Variants in CADPS2 observed in about 807,000 individuals in gnomAD.
CADPS2 encodes the protein calcium dependent secretion activator 2.
A neutral mutation model predicts 172.5 loss-of-function variants in CADPS2; 93 were observed. The observed-to-expected ratio is 0.54, with a 90% CI of 0.46 to 0.64. CADPS2 has a LOEUF of 0.64. Ranked by LOEUF, CADPS2 falls within the 30% of genes least tolerant of loss-of-function variation. The probability of loss-of-function intolerance (pLI) is 0.00; values close to 1 mark genes in which losing one functional copy is unlikely to be tolerated. For missense variants in CADPS2, 1,420 were observed against 1,565.9 expected (o/e 0.91, Z 1.57); for synonymous variants, 546 against 555.2 (o/e 0.98, Z 0.23).
At chr7:122,606,798 T>C (rs2073616415) in intron 6 of CADPS2, among the ~76,000 whole-genome samples, 1 of 152,032 alleles carries the variant, frequency 6.6e-6, no homozygotes, top group Non-Finnish European at 1.5e-5. Flanking sequence ...TTCCACCTTA[T>C]TTGAGCTATC....
intron 28 of CADPS2, among the ~76,000 whole-genome samples, chr7:122,334,648 T>A (rs1031653987): frequency 2.0e-5 from 3 of 152,174 alleles, no homozygotes; most frequent in Non-Finnish European, 4.4e-5. Flanking sequence ...AAACTTTGTG[T>A]TGGCTCTAAA....
chr7:122,478,036 T>C (rs2056905511), intron 12 of CADPS2, among the ~76,000 whole-genome samples: 2 of 152,202 alleles, frequency 1.3e-5, no homozygotes, highest in Admixed American at 1.3e-4. Context: ...TTTATAAAGA[T>C]ATATTTTCAC....
At chr7:122,457,690 C>T (rs373862801) in intron 14 of CADPS2, among the ~76,000 whole-genome samples, 22 of 152,274 alleles carry the variant, frequency 1.4e-4, no homozygotes, top group South Asian at 1.2e-3. Context: ...TTAGTGCTGA[C>T]GAGCATCCGT....
chr7:122,662,116 AAC>A (rs1166339081), intron 3 of CADPS2, among the ~76,000 whole-genome samples: 3 of 152,222 alleles, frequency 2.0e-5, no homozygotes, highest in East Asian at 3.8e-4. Context: ...ATATGGATAT[AAC>A]ACAGAAATTC....
intron 4 of CADPS2, 83 bp from the exon 5 acceptor site, chr7:122,621,800 C>T: frequency 5.2e-6 from 4 of 766,944 alleles, no homozygotes; most frequent in Middle Eastern, 3.8e-4. Flanking sequence ...ATATATACTT[C>T]ACTGTCTTAG....
chr7:122,366,418 C>A (rs1585303723), intron 25 of CADPS2, among the ~76,000 whole-genome samples: 1 of 146,390 alleles, frequency 6.8e-6, no homozygotes, highest in African/African-American at 2.5e-5. Flanking sequence ...GCCTGGCCAA[C>A]ATAGTGAAAC....
chr7:122,872,739 A>G (rs1313108862), intron 1 of CADPS2, among the ~76,000 whole-genome samples: 3 of 152,144 alleles, frequency 2.0e-5, no homozygotes, highest in African/African-American at 7.2e-5. Context: ...TAAACTAGTA[A>G]GAATACAAGT....
At chr7:122,420,259 A>G (rs552923556) in intron 17 of CADPS2, among the ~76,000 whole-genome samples, 1 of 152,206 alleles carries the variant, frequency 6.6e-6, no homozygotes, top group African/African-American at 2.4e-5. Context: ...CACAGAACCA[A>G]CCTCAGAACT....
At chr7:122,693,197 T>C (rs1347435420) in intron 2 of CADPS2, among the ~76,000 whole-genome samples, 1 of 152,206 alleles carries the variant, frequency 6.6e-6, no homozygotes, top group Non-Finnish European at 1.5e-5. Context: ...GTTAACACTG[T>C]TCTCTCCATT....
chr7:122,775,630 T>C (rs1444513537), intron 1 of CADPS2, among the ~76,000 whole-genome samples: 1 of 152,192 alleles, frequency 6.6e-6, no homozygotes, highest in African/African-American at 2.4e-5. Context: ...ATTTAGCATA[T>C]CTGAACCTAT....
intron 1 of CADPS2, among the ~76,000 whole-genome samples, chr7:122,745,797 C>T (rs564307234): frequency 6.6e-6 from 1 of 151,974 alleles, no homozygotes; most frequent in East Asian, 1.9e-4. Context: ...ACAAAAAAGT[C>T]GGTTTATCAT....
chr7:122,334,617 G>T (rs1295987559), intron 28 of CADPS2, among the ~76,000 whole-genome samples: 1 of 152,194 alleles, frequency 6.6e-6, no homozygotes, highest in Non-Finnish European at 1.5e-5. Flanking sequence ...GTCATTTGAT[G>T]CAGGTGCTAG....
At position 122,754,869 on chromosome 7, in the gene CADPS2, G is replaced by GT. The variant is rs2093095133; in HGVS notation, c.340-17802dup. Among the ~76,000 whole-genome samples the GT allele has an allele frequency of 2.6e-5, 4 of 152,158 alleles. No homozygotes were observed. In the South Asian group the frequency reaches 8.3e-4, roughly 32 times the overall value. ...GAATTAAATGAAAATGTATACCTCA[G>GT]TATCTCCTGATGCTACTTTTAAACA... On this transcript the variant is annotated intron_variant, in intron 1 of 29. Coordinates refer to ENST00000449022, the MANE Select transcript of CADPS2 (RefSeq NM_017954.11).
intron 17 of CADPS2, among the ~76,000 whole-genome samples, chr7:122,423,719 T>C (rs2048809893): frequency 6.6e-6 from 1 of 152,136 alleles, no homozygotes; most frequent in Non-Finnish European, 1.5e-5. Context: ...GGCTTAAGCA[T>C]GCATCAGAAT....
chr7:122,442,642 A>AT (rs1300850790), intron 15 of CADPS2, among the ~76,000 whole-genome samples: 2 of 152,164 alleles, frequency 1.3e-5, no homozygotes, highest in African/African-American at 2.4e-5. Context: ...TTATACAACT[A>AT]TTTTTTAATA....
At chr7:122,698,845 C>G in intron 2 of CADPS2, 1 of 1,613,308 alleles carries the variant, frequency 6.2e-7, no homozygotes, top group Non-Finnish European at 8.5e-7. Flanking sequence ...ACTAACAAGC[C>G]AAAGAACACT....
At chr7:122,756,455 A>G (rs2093165269) in intron 1 of CADPS2, among the ~76,000 whole-genome samples, 1 of 152,218 alleles carries the variant, frequency 6.6e-6, no homozygotes, top group Admixed American at 6.5e-5. Context: ...GAGATGTCAA[A>G]ATTTAAAGAA....
chr7:122,780,054 T>C (rs567643590), intron 1 of CADPS2, among the ~76,000 whole-genome samples: 60 of 152,340 alleles, frequency 3.9e-4, no homozygotes, highest in African/African-American at 1.4e-3. Context: ...TTTTTGGTTC[T>C]TTCCATAATT....
intron 1 of CADPS2, among the ~76,000 whole-genome samples, chr7:122,811,659 CA>C (rs1232910667): frequency 2.0e-5 from 3 of 151,418 alleles, no homozygotes; most frequent in South Asian, 2.1e-4. Context: ...TATTTTAAAA[CA>C]AAAAAAGGGA....
Sources: gnomAD v4.1 joint callset for allele counts (sites outside exome capture counted in the v4.1 genomes callset) on GRCh38, gnomAD v4.1.1 for gene constraint, MANE v1.5 for transcripts, NCBI Gene and HGNC (gene_info 2026-07-23, HGNC 2026-07-21) for gene names.